The following HEATR5A variants were observed in gnomAD, a reference collection of about 807,000 sequenced individuals.
The protein encoded by HEATR5A is HEAT repeat containing 5A.
In HEATR5A, 178 loss-of-function variants were observed where a neutral mutation model predicts 218.8. The ratio of observed to expected loss-of-function variants is 0.81; its 90% CI spans 0.72 to 0.92. HEATR5A has a LOEUF of 0.92. Ranked by LOEUF, HEATR5A falls within the 40% of genes least tolerant of loss-of-function variation. The pLI, the probability that HEATR5A is intolerant of heterozygous loss-of-function variation, is 0.00. For missense variants in HEATR5A, 2,420 were observed against 2,418.9 expected, an observed-to-expected ratio of 1.00 and a Z score of -0.01; for synonymous variants, 864 against 871.6, an observed-to-expected ratio of 0.99 and a Z score of 0.15.
chr14:31,294,751 CAA>C (rs1026194439), intron 34 of HEATR5A, among the ~76,000 whole-genome samples: 1 of 151,754 alleles, frequency 6.6e-6, no homozygotes, highest in African/African-American at 2.4e-5. Context: ...CAAAACAAAA[CAA>C]AAAAACACCC....
chr14:31,368,600 A>G (rs2139248364), intron 13 of HEATR5A, among the ~76,000 whole-genome samples: 1 of 152,276 alleles, frequency 6.6e-6, no homozygotes, highest in South Asian at 2.1e-4. Context: ...TGGCGCAATC[A>G]AGACTATAGC....
chr14:31,358,682 G>C lies in HEATR5A; in HGVS notation c.2366C>G (p.Ser789Cys), dbSNP rs371438163. 1.2e-4 allele frequency: 189 copies of C among 1,613,808 alleles called. No individual in the cohort carries two copies. The highest frequency in any genetic ancestry group is 1.5e-4 in the Non-Finnish European group (176 of 1,179,846). ...PPALSVISSA[S>C]KLFGVVCAHV... Reference sequence around the variant, plus strand: ...AGCGCATACAACCCCAAAGAGCTTGGATGCAGAACTAATAACTGATAGTGC... The same window carrying C: ...AGCGCATACAACCCCAAAGAGCTTGCATGCAGAACTAATAACTGATAGTGC... The change falls in exon 16 of 36, where the codon TCC becomes TGC. Residue 789 changes from serine to cysteine, a missense_variant. Ser to Cys is a moderately radical substitution (Grantham distance 112). Coordinates refer to ENST00000543095, the MANE Select transcript of HEATR5A (RefSeq NM_015473.4).
Position 31,389,006 on chromosome 14 carries a change from C to A in HEATR5A, c.773-1G>T, listed in dbSNP as rs1228207622. 1.2e-6 allele frequency: 2 copies of A among 1,602,230 alleles called. No individual in the cohort carries two copies. The highest frequency in any genetic ancestry group is 2.2e-5 in the South Asian group (2 of 89,990). ...CTGCGAATGCTTTGACGTGAGGCTGCTATGACAAAGAACAAAACTGTGATT... is the reference window on the plus strand; with the variant it reads ...CTGCGAATGCTTTGACGTGAGGCTGATATGACAAAGAACAAAACTGTGATT... On this transcript the variant is annotated splice_acceptor_variant, in intron 6 of 35. Coordinates refer to ENST00000543095, the MANE Select transcript of HEATR5A (RefSeq NM_015473.4). LOFTEE classifies it high-confidence loss of function.
intron 13 of HEATR5A, among the ~76,000 whole-genome samples, chr14:31,364,912 T>A (rs1396897192): frequency 6.6e-6 from 1 of 152,182 alleles, no homozygotes; most frequent in Non-Finnish European, 1.5e-5. Flanking sequence ...CTCACTCTGT[T>A]ACCCAGGTTG....
intron 9 of HEATR5A, among the ~76,000 whole-genome samples, chr14:31,384,586 G>GTTCAC (rs1298552295): frequency 6.6e-6 from 1 of 150,454 alleles, no homozygotes; most frequent in Non-Finnish European, 1.5e-5. Context: ...GAATGCAGTG[G>GTTCAC]TGCAATCTTG....
At chr14:31,406,821 T>C (rs946387946) in intron 1 of HEATR5A, among the ~76,000 whole-genome samples, 2 of 151,912 alleles carry the variant, frequency 1.3e-5, no homozygotes, top group African/African-American at 2.4e-5. Flanking sequence ...TAGCCGGGCA[T>C]GGTAGCATAT....
chr14:31,326,882 C>G (rs748216270), intron 22 of HEATR5A, among the ~76,000 whole-genome samples: 5 of 151,802 alleles, frequency 3.3e-5, no homozygotes, highest in African/African-American at 7.3e-5. Flanking sequence ...TGACCTGAGG[C>G]GATCCACCCA....
chr14:31,309,296 T>C, intron 28 of HEATR5A, 114 bp from the exon 29 acceptor site: 1 of 1,128,320 alleles, frequency 8.9e-7, no homozygotes, highest in East Asian at 2.4e-5. Flanking sequence ...TTGTACCCTT[T>C]TTCAGTCAGT....
chr14:31,350,655 A>G lies in HEATR5A; in HGVS notation c.2474T>C (p.Val825Ala). 6.2e-7 allele frequency: 1 copy of G among 1,602,964 alleles called. No individual in the cohort carries two copies. The highest frequency in any genetic ancestry group is 8.5e-7 in the Non-Finnish European group (1 of 1,173,242). ...TGAAGAAACAACATGTAACTGAACC[A>G]CTTGCTGACGAGCTCCTTTTGTGTG... is the stretch of plus-strand genomic sequence containing the variant. ...IKHTKGARQQ[V>A]VQLHVVSSVS... Residue 825 changes from valine (V) to alanine (A), a missense_variant, in exon 17 of 36, where the codon GTG becomes GCG. By Grantham distance (64) the Val-to-Ala change is moderately conservative. Coordinates refer to ENST00000543095, the MANE Select transcript of HEATR5A (RefSeq NM_015473.4).
chr14:31,393,501 C>A (rs1206833369), intron 6 of HEATR5A, among the ~76,000 whole-genome samples: 1 of 152,118 alleles, frequency 6.6e-6, no homozygotes, highest in Non-Finnish European at 1.5e-5. Flanking sequence ...ACAGCAGACC[C>A]TGTCACACAC....
intron 1 of HEATR5A, among the ~76,000 whole-genome samples, chr14:31,404,697 T>A (rs2030993924): frequency 6.6e-6 from 1 of 151,430 alleles, no homozygotes; most frequent in Non-Finnish European, 1.5e-5. Flanking sequence ...GCTTGAGTCT[T>A]GGGTCCAGGA....
At chr14:31,337,643 A>AGC (rs773787118) in intron 21 of HEATR5A, 29 bp from the exon 22 acceptor site, 10 of 1,583,706 alleles carry the variant, frequency 6.3e-6, no homozygotes, top group Admixed American at 1.8e-5. Context: ...GGAACGACAG[A>AGC]GCTAAAATTC....
At chr14:31,411,127 CAA>C (rs1049711265) in intron 1 of HEATR5A, among the ~76,000 whole-genome samples, 2 of 151,986 alleles carry the variant, frequency 1.3e-5, no homozygotes, top group Non-Finnish European at 2.9e-5. Context: ...AGTGGCAGTA[CAA>C]ATGGTTCAAC....
intron 18 of HEATR5A, among the ~76,000 whole-genome samples, chr14:31,349,242 T>C (rs971921087): frequency 6.6e-6 from 1 of 152,008 alleles, no homozygotes; most frequent in Admixed American, 6.6e-5. Context: ...ATACAAAAAG[T>C]AGCCGGGTGG....
At chr14:31,406,069 G>C (rs1349196615) in intron 1 of HEATR5A, among the ~76,000 whole-genome samples, 2 of 152,044 alleles carry the variant, frequency 1.3e-5, no homozygotes, top group African/African-American at 4.8e-5. Context: ...GATAAGCAAG[G>C]GCATTTTGCA....
At position 31,321,625 on chromosome 14, in the gene HEATR5A, G is replaced by A; in HGVS notation, c.3843C>T (p.Ala1281=). The A allele has an allele frequency of 5.0e-6, 8 of 1,610,070 alleles. No individual in the cohort carries two copies. The highest frequency in any genetic ancestry group is 6.8e-6 in the Non-Finnish European group (8 of 1,178,390). ...ADLIRMAFMA[A]TDHSDQLRLS... ...GACGGAGCTGGTCACTGTGATCTGT[G>A]GCAGCCATAAAAGCCATGCGAATTA... Residue 1281 remains alanine (A), a synonymous_variant, in exon 25 of 36, where the codon GCC becomes GCT. Transcript: ENST00000543095.
chr14:31,365,193 G>A (rs1901758620), intron 13 of HEATR5A, among the ~76,000 whole-genome samples: 1 of 151,860 alleles, frequency 6.6e-6, no homozygotes, highest in Non-Finnish European at 1.5e-5. Flanking sequence ...CTTTTAACAA[G>A]GTATATTATC....
At chr14:31,320,356 C>A (rs2139163473) in intron 25 of HEATR5A, 1 of 872,828 alleles carries the variant, frequency 1.1e-6, no homozygotes, top group East Asian at 2.5e-5. Context: ...AGACAATAAT[C>A]AAGCTGCCAA....
intron 33 of HEATR5A, among the ~76,000 whole-genome samples, chr14:31,299,457 T>C (rs1462682126): frequency 2.0e-5 from 3 of 152,190 alleles, no homozygotes; most frequent in South Asian, 2.1e-4. Context: ...CAGTGGCTCA[T>C]GCCTGTAATC....
Sources: gnomAD v4.1 joint callset for allele counts (sites outside exome capture counted in the v4.1 genomes callset) on GRCh38, gnomAD v4.1.1 for gene constraint, MANE v1.5 for transcripts, NCBI Gene and HGNC (gene_info 2026-07-23, HGNC 2026-07-21) for gene names.